Variants in LRRC63 observed in about 807,000 individuals in gnomAD.
The protein encoded by LRRC63 is leucine rich repeat containing 63.
A neutral mutation model predicts 49.5 loss-of-function variants in LRRC63; 40 were observed. The observed-to-expected ratio is 0.81, with a 90% CI of 0.63 to 1.05. The LOEUF (loss-of-function observed/expected upper bound fraction) is 1.05. LRRC63 is among the 50% of genes least tolerant of loss of function. The probability of loss-of-function intolerance (pLI) is 0.00; values close to 1 mark genes in which losing one functional copy is unlikely to be tolerated. For synonymous variants in LRRC63, 191 were observed against 221.1 expected, an observed-to-expected ratio of 0.86 and a Z score of 1.21; for missense variants, 636 against 663.1, an observed-to-expected ratio of 0.96 and a Z score of 0.45.
chr13:46,229,113 A>G (rs1420127078), intron 4 of LRRC63, among the ~76,000 whole-genome samples: 2 of 152,212 alleles, frequency 1.3e-5, no homozygotes, highest in Non-Finnish European at 2.9e-5. Flanking sequence ...TCTCAAATAT[A>G]GTGTGTGGCA....
intron 2 of LRRC63, among the ~76,000 whole-genome samples, chr13:46,226,648 G>A (rs558473922): frequency 2.2e-4 from 34 of 152,230 alleles, no homozygotes; most frequent in South Asian, 1.0e-3. Flanking sequence ...CCCTCCATGG[G>A]GAGGGAAAAA....
At chr13:46,267,502 C>T (rs1047820470) in intron 9 of LRRC63, among the ~76,000 whole-genome samples, 16 of 152,108 alleles carry the variant, frequency 1.1e-4, no homozygotes, top group Admixed American at 3.3e-4. Flanking sequence ...TGGTAGAAGA[C>T]GATTTTCATT....
At chr13:46,212,874 A>G in intron 1 of LRRC63, 128 bp from the exon 2 acceptor site, 1 of 514,028 alleles carries the variant, frequency 1.9e-6, no homozygotes. Flanking sequence ...TTTTTCATAA[A>G]GGAATTCTGC....
chr13:46,262,955 A>C (rs2047635666), intron 8 of LRRC63, among the ~76,000 whole-genome samples: 1 of 152,154 alleles, frequency 6.6e-6, no homozygotes, highest in South Asian at 2.1e-4. Flanking sequence ...GAATGAGATA[A>C]TTTTACCTTT....
chr13:46,218,595 A>G (rs1368594542), intron 2 of LRRC63, among the ~76,000 whole-genome samples: 2 of 152,050 alleles, frequency 1.3e-5, no homozygotes, highest in African/African-American at 4.8e-5. Context: ...CATTTAGCCT[A>G]TTTACATTTA....
exon 9 of LRRC63, chr13:46,266,953 G>T (rs2047692318): frequency 6.5e-7 from 1 of 1,536,224 alleles, no homozygotes; most frequent in Non-Finnish European, 8.8e-7. Context: ...CCCAGTAGAA[G>T]TTCAGAAGTT....
exon 10 of LRRC63, chr13:46,276,657 G>A: frequency 8.1e-7 from 1 of 1,231,160 alleles, no homozygotes; most frequent in East Asian, 3.2e-5. Context: ...CCGATCCTGT[G>A]ATATTTTTGG....
intron 5 of LRRC63, among the ~76,000 whole-genome samples, chr13:46,240,102 T>TAC (rs2047013442): frequency 6.6e-6 from 1 of 150,940 alleles, no homozygotes; most frequent in South Asian, 2.1e-4. Context: ...AAGTCAAGGA[T>TAC]ACCCTCTATC....
exon 1 of LRRC63, chr13:46,211,947 C>G (rs1005827583): frequency 6.5e-6 from 1 of 152,772 alleles, no homozygotes; most frequent in Non-Finnish European, 1.5e-5. Flanking sequence ...GCTGGCTTAG[C>G]GGACCCCGGT....
At chr13:46,266,004 G>A (rs1312727991) in intron 8 of LRRC63, among the ~76,000 whole-genome samples, 1 of 152,166 alleles carries the variant, frequency 6.6e-6, no homozygotes, top group Non-Finnish European at 1.5e-5. Context: ...TGAGAATCCA[G>A]AGGCCCTCAG....
At chr13:46,261,419 A>G (rs1189408538) in intron 7 of LRRC63, among the ~76,000 whole-genome samples, 1 of 152,170 alleles carries the variant, frequency 6.6e-6, no homozygotes, top group African/African-American at 2.4e-5. Context: ...CAGAGGTTGG[A>G]GTTATGCTTC....
intron 2 of LRRC63, among the ~76,000 whole-genome samples, chr13:46,219,932 G>A (rs1277392095): frequency 6.6e-6 from 1 of 152,196 alleles, no homozygotes; most frequent in African/African-American, 2.4e-5. Flanking sequence ...CACCAGCGGA[G>A]CCTGCAGAAC....
intron 9 of LRRC63, among the ~76,000 whole-genome samples, chr13:46,267,333 T>C (rs568196586): frequency 1.3e-4 from 20 of 152,346 alleles, no homozygotes; most frequent in Non-Finnish European, 2.9e-4. Flanking sequence ...CACTCCACTG[T>C]GATGTCATGG....
At chr13:46,222,764 A>G (rs963874138) in intron 2 of LRRC63, among the ~76,000 whole-genome samples, 28 of 151,638 alleles carry the variant, frequency 1.8e-4, no homozygotes, top group Non-Finnish European at 2.9e-5. Context: ...ATGCACACGT[A>G]TGTTTATTGA....
intron 2 of LRRC63, among the ~76,000 whole-genome samples, chr13:46,217,148 C>G (rs1365315355): frequency 1.3e-5 from 2 of 152,160 alleles, no homozygotes; most frequent in Non-Finnish European, 2.9e-5. Flanking sequence ...AGGAGTCCCT[C>G]TTTTTCTGTT....
At chr13:46,216,413 CTGTT>C (rs1223971528) in intron 2 of LRRC63, among the ~76,000 whole-genome samples, 2 of 152,318 alleles carry the variant, frequency 1.3e-5, no homozygotes, top group East Asian at 1.9e-4. Context: ...ATGTGGCTCT[CTGTT>C]TGTCTGTTAT....
intron 5 of LRRC63, among the ~76,000 whole-genome samples, chr13:46,245,245 A>G (rs766825383): frequency 2.0e-5 from 3 of 152,210 alleles, no homozygotes; most frequent in African/African-American, 7.2e-5. Context: ...ACAATTCACC[A>G]TCATAACTAG....
chr13:46,228,746 T>A lies in LRRC63; in HGVS notation c.832+13T>A. On this transcript the variant is annotated intron_variant, in intron 4 of 9. Coordinates refer to ENST00000595396, the Ensembl canonical transcript of LRRC63. ...AGACCACCTGAAGGTAAATGCTAGA[T>A]TTATACAATTCTTTTAGAAAATGTA... is the stretch of plus-strand genomic sequence containing the variant. 1 of 1,486,548 alleles carries A rather than the reference T, an allele frequency of 6.7e-7. No individual in the cohort carries two copies. The highest frequency in any genetic ancestry group is 9.2e-7 in the Non-Finnish European group (1 of 1,092,258). 92.1% of individuals were successfully genotyped at this position (1,486,548 alleles called of 1,614,324 possible). A position where few individuals can be genotyped will look rare whatever the true frequency, so the allele number is the denominator to read the frequency against.
In LRRC63 at chr13:46,258,940, C is replaced by T. The variant is rs1455262361; in HGVS notation, c.1227-2969C>T. Among the ~76,000 whole-genome samples, 5 of 151,302 alleles carry T rather than the reference C, an allele frequency of 3.3e-5. No individual in the cohort carries two copies. In the East Asian group the frequency reaches 7.7e-4, roughly 23 times the overall value. ...ATGCAATATTTTTGAAATTATGTAA[C>T]AATTGATTGTTTCAATATAGGGCAA... is the stretch of plus-strand genomic sequence containing the variant. On this transcript the variant is annotated intron_variant, in intron 7 of 9. Transcript: ENST00000595396.
Sources: gnomAD v4.1 joint callset for allele counts (sites outside exome capture counted in the v4.1 genomes callset) on GRCh38, gnomAD v4.1.1 for gene constraint, MANE v1.5 for transcripts, NCBI Gene and HGNC (gene_info 2026-07-23, HGNC 2026-07-21) for gene names.